Variants in CHSY3 observed in about 807,000 individuals in gnomAD.
CHSY3 encodes N-acetylgalactosaminyl-proteoglycan 3-beta-glucuronosyltransferase 3.
Under a neutral mutation model 67.2 loss-of-function variants are expected in CHSY3, and 35 were observed. That is an observed-to-expected ratio of 0.52 (90% CI 0.40 to 0.69). The LOEUF (loss-of-function observed/expected upper bound fraction) is 0.69. CHSY3 is among the 30% of genes least tolerant of loss of function. CHSY3 has a pLI of 0.00. For synonymous variants in CHSY3, 474 were observed against 434.7 expected (o/e 1.09, Z -1.12); for missense variants, 1,069 against 1,138.5 (o/e 0.94, Z 0.88).
At chr5:130,146,712 T>C (rs1418040554) in intron 2 of CHSY3, among the ~76,000 whole-genome samples, 1 of 152,166 alleles carries the variant, frequency 6.6e-6, no homozygotes, top group East Asian at 1.9e-4. Context: ...TATTGAAACA[T>C]CAAATTGTAC....
At chr5:130,171,851 A>G (rs538363579) in intron 2 of CHSY3, among the ~76,000 whole-genome samples, 9 of 152,324 alleles carry the variant, frequency 5.9e-5, no homozygotes, top group South Asian at 4.1e-4. Context: ...TGAAATTGCA[A>G]CTTCACTTAT....
intron 2 of CHSY3, among the ~76,000 whole-genome samples, chr5:130,096,046 T>C (rs1168214244): frequency 2.0e-5 from 3 of 152,114 alleles, no homozygotes; most frequent in African/African-American, 7.2e-5. Flanking sequence ...TCATGAATGA[T>C]AAGGAAGATT....
chr5:129,988,688 G>T (rs1338677085), intron 2 of CHSY3, among the ~76,000 whole-genome samples: 2 of 152,202 alleles, frequency 1.3e-5, no homozygotes, highest in African/African-American at 2.4e-5. Context: ...ATGTGAGTCA[G>T]TTTTTATTAG....
intron 2 of CHSY3, among the ~76,000 whole-genome samples, chr5:130,172,258 G>A (rs1769913623): frequency 6.6e-6 from 1 of 150,988 alleles, no homozygotes. Context: ...TGAAAGTTGT[G>A]TAAAATAAAA....
chr5:130,168,246 C>T (rs1057248829), intron 2 of CHSY3, among the ~76,000 whole-genome samples: 5 of 152,132 alleles, frequency 3.3e-5, no homozygotes, highest in African/African-American at 1.2e-4. Context: ...CTCTCAGCAG[C>T]ACTTCATTTA....
At chr5:130,001,441 T>A (rs778041217) in intron 2 of CHSY3, 16 of 867,264 alleles carry the variant, frequency 1.8e-5, no homozygotes, top group Non-Finnish European at 2.1e-5. Flanking sequence ...GATGAAGGTA[T>A]CACCATGGAC....
At chr5:130,146,431 C>A (rs1169584586) in intron 2 of CHSY3, among the ~76,000 whole-genome samples, 5 of 151,996 alleles carry the variant, frequency 3.3e-5, no homozygotes, top group Non-Finnish European at 7.4e-5. Flanking sequence ...GAGAGTAGAT[C>A]AGTGATTACC....
chr5:130,164,314 G>A (rs72795776), intron 2 of CHSY3, among the ~76,000 whole-genome samples: 2,988 of 152,206 alleles, frequency 0.02, 42 homozygotes, highest in Non-Finnish European at 0.029. Context: ...GGGAGCAGTT[G>A]TAAAAAAGAA....
At chr5:130,031,072 A>G (rs1169421075) in intron 2 of CHSY3, among the ~76,000 whole-genome samples, 3 of 152,034 alleles carry the variant, frequency 2.0e-5, no homozygotes, top group Non-Finnish European at 4.4e-5. Flanking sequence ...AGAAGACCAA[A>G]TGAGATTGGC....
At chr5:130,094,442 A>G (rs937839107) in intron 2 of CHSY3, among the ~76,000 whole-genome samples, 1 of 152,160 alleles carries the variant, frequency 6.6e-6, no homozygotes, top group African/African-American at 2.4e-5. Context: ...TTACTATAGC[A>G]TAGTTAAAAT....
intron 2 of CHSY3, among the ~76,000 whole-genome samples, chr5:129,912,678 T>C (rs1760605680): frequency 6.6e-6 from 1 of 152,176 alleles, no homozygotes; most frequent in Non-Finnish European, 1.5e-5. Flanking sequence ...AATCCAGATA[T>C]CTTAAAAGAT....
intron 2 of CHSY3, among the ~76,000 whole-genome samples, chr5:130,066,265 G>C (rs192009017): frequency 5.8e-4 from 88 of 152,026 alleles, no homozygotes; most frequent in African/African-American, 2.1e-3. Flanking sequence ...ACTATGCTGG[G>C]TATTATTTCA....
chr5:130,031,028 T>G (rs1324680535), intron 2 of CHSY3, among the ~76,000 whole-genome samples: 1 of 151,996 alleles, frequency 6.6e-6, no homozygotes, highest in Non-Finnish European at 1.5e-5. Context: ...AACCTATTAC[T>G]TATGGAGTAT....
At chr5:130,032,011 T>C (rs537270375) in intron 2 of CHSY3, among the ~76,000 whole-genome samples, 1 of 152,286 alleles carries the variant, frequency 6.6e-6, no homozygotes, top group Admixed American at 6.5e-5. Context: ...TCAGAGAATG[T>C]AGGCATTCGA....
chr5:129,950,509 A>G (rs746380156), intron 2 of CHSY3, among the ~76,000 whole-genome samples: 4 of 152,138 alleles, frequency 2.6e-5, no homozygotes, highest in Non-Finnish European at 4.4e-5. Flanking sequence ...ATATGCTCTT[A>G]TATATTACAG....
chr5:130,009,876 C>G (rs1372717279), intron 2 of CHSY3, among the ~76,000 whole-genome samples: 1 of 152,092 alleles, frequency 6.6e-6, no homozygotes, highest in Admixed American at 6.5e-5. Context: ...CAACCACCAT[C>G]AAGAAGCACA....
At chr5:129,922,623 A>G (rs968430756) in intron 2 of CHSY3, among the ~76,000 whole-genome samples, 8 of 151,850 alleles carry the variant, frequency 5.3e-5, no homozygotes, top group African/African-American at 1.9e-4. Flanking sequence ...TCTGTTAGCC[A>G]TTTATATGTC....
chr5:129,935,812 C>T (rs1194138059), intron 2 of CHSY3, among the ~76,000 whole-genome samples: 2 of 152,154 alleles, frequency 1.3e-5, no homozygotes, highest in African/African-American at 4.8e-5. Context: ...GCTCATAAAT[C>T]ACCAGCTGTT....
chr5:130,075,076 C>T (rs1307625924), intron 2 of CHSY3, among the ~76,000 whole-genome samples: 7 of 152,050 alleles, frequency 4.6e-5, no homozygotes, highest in Admixed American at 3.9e-4. Context: ...GGAGCTATTT[C>T]TGTTTGTTTT....
Sources: gnomAD v4.1 joint callset for allele counts (sites outside exome capture counted in the v4.1 genomes callset) on GRCh38, gnomAD v4.1.1 for gene constraint, MANE v1.5 for transcripts, NCBI Gene and HGNC (gene_info 2026-07-23, HGNC 2026-07-21) for gene names.